TUSC3: variants seen among roughly 807,000 people sequenced by gnomAD.
TUSC3 encodes tumor suppressor candidate 3.
TUSC3 carries 45 observed loss-of-function variants against 44.8 expected under a neutral mutation model. That is an observed-to-expected ratio of 1.00 (90% confidence interval 0.79 to 1.29). TUSC3 has a LOEUF of 1.29. TUSC3 is among the 50% of genes most tolerant of loss of function. The probability of loss-of-function intolerance (pLI) is 0.00; values close to 1 mark genes in which losing one functional copy is unlikely to be tolerated. For synonymous variants in TUSC3, 212 were observed against 152.9 expected (o/e 1.39, Z -2.85); for missense variants, 519 against 437.9 (o/e 1.19, Z -1.65).
chr8:15,521,566 C>T (rs1801296741), intron 2 of TUSC3, among the ~76,000 whole-genome samples: 1 of 152,230 alleles, frequency 6.6e-6, no homozygotes. Context: ...AAGAAGAATT[C>T]TCTTGAGCCA....
intron 1 of TUSC3, among the ~76,000 whole-genome samples, chr8:15,613,113 G>A (rs1475906646): frequency 6.7e-6 from 1 of 149,456 alleles, no homozygotes; most frequent in Non-Finnish European, 1.5e-5. Context: ...GTTTGTGTGT[G>A]TGTACACATG....
At chr8:15,628,755 T>C (rs553282836) in intron 2 of TUSC3, among the ~76,000 whole-genome samples, 1 of 152,228 alleles carries the variant, frequency 6.6e-6, no homozygotes, top group Non-Finnish European at 1.5e-5. Context: ...CCTACCTTCT[T>C]AGTGAAGAGT....
intron 6 of TUSC3, among the ~76,000 whole-genome samples, chr8:15,728,190 G>T (rs1468585824): frequency 6.6e-6 from 1 of 152,126 alleles, no homozygotes; most frequent in Non-Finnish European, 1.5e-5. Flanking sequence ...GCATTGAAGG[G>T]TTCTGAGCAA....
chr8:15,830,126 CT>C, the TUSC3 span, among the ~76,000 whole-genome samples: 1 of 151,082 alleles, frequency 6.6e-6, no homozygotes, highest in Non-Finnish European at 1.5e-5. Context: ...CCTCTGCCCA[CT>C]TTGTAAAGAG....
intron 1 of TUSC3, among the ~76,000 whole-genome samples, chr8:15,605,254 A>C (rs983598557): frequency 6.6e-6 from 1 of 151,858 alleles, no homozygotes; most frequent in Non-Finnish European, 1.5e-5. Flanking sequence ...GCTTTGTTTC[A>C]TATCTTTTCC....
At chr8:15,620,835 T>C (rs1261724538) in intron 1 of TUSC3, among the ~76,000 whole-genome samples, 1 of 152,168 alleles carries the variant, frequency 6.6e-6, no homozygotes, top group Non-Finnish European at 1.5e-5. Flanking sequence ...CTGGCTTCTT[T>C]GATTATTTAA....
chr8:15,804,317 T>C, the TUSC3 span, among the ~76,000 whole-genome samples: 4 of 152,250 alleles, frequency 2.6e-5, no homozygotes, highest in Non-Finnish European at 4.4e-5. Flanking sequence ...TGTTTTGCTG[T>C]GCAGAAGCTC....
chr8:15,755,824 A>G (rs532960478), intron 9 of TUSC3, among the ~76,000 whole-genome samples: 1 of 152,268 alleles, frequency 6.6e-6, no homozygotes, highest in Admixed American at 6.5e-5. Flanking sequence ...TATTACATGA[A>G]CTTTAGTGCT....
intron 1 of TUSC3, among the ~76,000 whole-genome samples, chr8:15,547,598 A>T (rs1054861869): frequency 1.1e-4 from 17 of 151,704 alleles, no homozygotes; most frequent in African/African-American, 3.9e-4. Context: ...TTGTTGTCGT[A>T]GATTGAATGT....
intron 2 of TUSC3, among the ~76,000 whole-genome samples, chr8:15,630,672 A>G (rs1181759028): frequency 3.3e-5 from 5 of 152,094 alleles, no homozygotes. Flanking sequence ...GTAAACTGTA[A>G]TTGTGTCTTG....
At chr8:15,710,270 T>G (rs1445679067) in intron 6 of TUSC3, among the ~76,000 whole-genome samples, 1 of 151,860 alleles carries the variant, frequency 6.6e-6, no homozygotes, top group East Asian at 1.9e-4. Context: ...GCTACCTAAT[T>G]TTTTGCTTGG....
intron 1 of TUSC3, among the ~76,000 whole-genome samples, chr8:15,432,143 TTCC>T (rs1340127175): frequency 6.6e-6 from 1 of 152,018 alleles, no homozygotes; most frequent in Admixed American, 6.6e-5. Context: ...TATGGAAGTG[TTCC>T]TCCTCCTCAA....
intron 1 of TUSC3, among the ~76,000 whole-genome samples, chr8:15,425,452 C>T (rs1367014496): frequency 3.3e-5 from 5 of 152,150 alleles, no homozygotes; most frequent in Middle Eastern, 3.4e-3. Context: ...ACTTCTGGAC[C>T]GAGAGAGAGA....
rs539574605 is a variant in TUSC3 at position 15,653,783 on chromosome 8, AACTG to A, written c.426+2973_426+2976del. Among the ~76,000 whole-genome samples the A allele has an allele frequency of 2.2e-4, 33 of 152,342 alleles. No homozygotes were observed. In the South Asian group the frequency reaches 3.1e-3, roughly 14 times the overall value. ...AAAAGGTTTTTAATGCTTATTTTTT[AACTG>A]ACTATTAAATCATATTTTGCTGAAG... is the stretch of plus-strand genomic sequence containing the variant. On this transcript the variant is annotated intron_variant, in intron 3 of 10. Coordinates refer to ENST00000503731, the MANE Select transcript of TUSC3 (RefSeq NM_006765.4).
chr8:15,653,370 A>T (rs1807003996), intron 3 of TUSC3, among the ~76,000 whole-genome samples: 1 of 152,068 alleles, frequency 6.6e-6, no homozygotes, highest in Non-Finnish European at 1.5e-5. Flanking sequence ...GTTAATTCAT[A>T]TTTTTTTTTA....
At chr8:15,459,538 G>T (rs887376282) in intron 1 of TUSC3, among the ~76,000 whole-genome samples, 1 of 151,974 alleles carries the variant, frequency 6.6e-6, no homozygotes, top group Admixed American at 6.6e-5. Context: ...TTCTTTAGTG[G>T]TGATTTGTGA....
In TUSC3 at chr8:15,727,580, C is replaced by T. The variant is rs191253291; in HGVS notation, c.799-3086C>T. Among the ~76,000 whole-genome samples, 15 of 152,154 alleles carry T rather than the reference C, an allele frequency of 9.9e-5. No individual in the cohort carries two copies. The East Asian group carries it at 2.3e-3, about 23-fold the overall frequency. ...TCTGGTTTTGATGTGATTTTGAAGA[C>T]ACACACAAAAAAAGAAGTACAAAAG... On this transcript the variant is annotated intron_variant, in intron 6 of 10. Transcript: ENST00000503731.
chr8:15,803,307 A>G, the TUSC3 span, among the ~76,000 whole-genome samples: 1 of 152,222 alleles, frequency 6.6e-6, no homozygotes, highest in African/African-American at 2.4e-5. Context: ...ATGCACACAT[A>G]TCTTAGTAAA....
chr8:15,680,334 T>C (rs1808370154), intron 6 of TUSC3, among the ~76,000 whole-genome samples: 1 of 151,958 alleles, frequency 6.6e-6, no homozygotes, highest in Admixed American at 6.6e-5. Flanking sequence ...GTAATTTGTG[T>C]GTGTATGTGT....
Sources: gnomAD v4.1 joint callset for allele counts (sites outside exome capture counted in the v4.1 genomes callset) on GRCh38, gnomAD v4.1.1 for gene constraint, MANE v1.5 for transcripts, NCBI Gene and HGNC (gene_info 2026-07-23, HGNC 2026-07-21) for gene names.